Variants in RIMKLA observed in about 807,000 individuals in gnomAD.
The protein encoded by RIMKLA is ribosomal modification protein rimK like family member A, also known as N-acetylaspartylglutamate synthase A.
In RIMKLA, 14 loss-of-function variants were observed where a neutral mutation model predicts 32.7. That is an observed-to-expected ratio of 0.43 (90% CI 0.28 to 0.67). RIMKLA has a LOEUF of 0.67. Among genes scored for constraint, RIMKLA ranks in the 30% least tolerant of loss-of-function variants. The pLI, the probability that RIMKLA is intolerant of heterozygous loss-of-function variation, is 0.18. For synonymous variants in RIMKLA, 176 were observed against 204.1 expected, an observed-to-expected ratio of 0.86 and a Z score of 1.18; for missense variants, 410 against 519.0, an observed-to-expected ratio of 0.79 and a Z score of 2.04.
chr1:42,404,275 A>T (rs1391276630), intron 2 of RIMKLA, among the ~76,000 whole-genome samples: 1 of 151,894 alleles, frequency 6.6e-6, no homozygotes, highest in East Asian at 1.9e-4. Flanking sequence ...TGTTATAAGG[A>T]TTGTGAAGTC....
chr1:42,383,428 C>A lies in RIMKLA; in HGVS notation c.163+2331C>A, dbSNP rs1228146926. On this transcript the variant is annotated intron_variant, in intron 1 of 4. Transcript: ENST00000431473. Reference sequence around the variant, plus strand: ...ATGACCTTGTTGGCTTTGTTCAGTGCTATAATAGTGGCCAGAATAGTGCCT... The same window carrying A: ...ATGACCTTGTTGGCTTTGTTCAGTGATATAATAGTGGCCAGAATAGTGCCT... 2.0e-5 allele frequency among the ~76,000 whole-genome samples: 3 copies of A among 152,174 alleles called. 1 individual carries two copies. Among genetic ancestry groups the A allele is most frequent in the Non-Finnish European group, 4.4e-5 (3 of 68,034 alleles).
At position 42,381,066 on chromosome 1, in the gene RIMKLA, G is replaced by A. The variant is rs1475902082; in HGVS notation, c.132G>A (p.Gln44=). Residue 44 remains glutamine (Q), a synonymous_variant, in exon 1 of 5, where the codon CAG becomes CAA. Coordinates refer to ENST00000431473, the MANE Select transcript of RIMKLA (RefSeq NM_173642.4). ...GCTTCCGGGCGGTGCTTATGGACCA[G>A]ATCGCCGTCACCATCGTCGGCGGCC... The part of the protein sequence containing the change: ...DVRFRAVLMD[Q]IAVTIVGGHL... 7.7e-7 allele frequency: 1 copy of A among 1,294,780 alleles called. No homozygotes were observed. Among genetic ancestry groups the A allele is most frequent in the South Asian group, 2.2e-5 (1 of 44,678 alleles). The allele number at this position is 1,294,780 out of a possible 1,614,324, so 80.2% of individuals were successfully genotyped here.
chr1:42,406,925 C>CTT lies in RIMKLA; in HGVS notation c.481+2339_481+2340dup, dbSNP rs571576114. ...GAAGGGTTCTTGTATAATGTAGATT[C>CTT]TTTTTTTTTTTTGAGATATGCTCTC... On this transcript the variant is annotated intron_variant, in intron 3 of 4. Transcript: ENST00000431473. 9.7e-3 allele frequency among the ~76,000 whole-genome samples: 1,392 copies of CTT among 143,008 alleles called. 21 individuals carry two copies. Among genetic ancestry groups the CTT allele is most frequent in the African/African-American group, 0.033 (1,307 of 39,252 alleles). The allele number at this position is 143,008 out of a possible 152,430, so 93.8% of individuals were successfully genotyped here.
intron 2 of RIMKLA, among the ~76,000 whole-genome samples, chr1:42,403,871 G>A (rs1350075922): frequency 1.3e-5 from 2 of 152,174 alleles, no homozygotes; most frequent in Non-Finnish European, 2.9e-5. Context: ...GATTGTTGAC[G>A]TTCAGTTTCT....
chr1:42,397,706 T>C (rs189118384), intron 1 of RIMKLA, among the ~76,000 whole-genome samples: 3 of 151,738 alleles, frequency 2.0e-5, no homozygotes, highest in Admixed American at 1.3e-4. Flanking sequence ...TCCTGAGCGA[T>C]AGCAAGATCC....
chr1:42,414,382 G>A (rs985216025), intron 4 of RIMKLA, 102 bp from the exon 5 acceptor site: 30 of 1,206,552 alleles, frequency 2.5e-5, no homozygotes, highest in Admixed American at 1.8e-4. Flanking sequence ...ATTAATGATC[G>A]AGCCTCTCTT....
At chr1:42,381,558 A>G (rs1642889302) in intron 1 of RIMKLA, among the ~76,000 whole-genome samples, 1 of 152,178 alleles carries the variant, frequency 6.6e-6, no homozygotes, top group Non-Finnish European at 1.5e-5. Flanking sequence ...TGTGCACCAC[A>G]TAGAATATTA....
At chr1:42,386,909 AAATAAAT>A (rs1296397968) in intron 1 of RIMKLA, among the ~76,000 whole-genome samples, 3 of 148,338 alleles carry the variant, frequency 2.0e-5, no homozygotes, top group Non-Finnish European at 4.5e-5. Flanking sequence ...ATAAATAAAT[AAATAAAT>A]ATTAGCCAGG....
In RIMKLA at chr1:42,385,730, TC is replaced by T. The variant is rs1377506802; in HGVS notation, c.163+4634del. Among the ~76,000 whole-genome samples, 73 of 71,686 alleles carry T rather than the reference TC, an allele frequency of 1.0e-3. 3 individuals are homozygous for T. The highest frequency in any genetic ancestry group is 8.6e-3 in the Admixed American group (72 of 8,420). 47.0% of individuals were successfully genotyped at this position (71,686 alleles called of 152,430 possible). On this transcript the variant is annotated intron_variant, in intron 1 of 4. Transcript: ENST00000431473. ...TTTTCTTTCCTTCTCTTTCTTTCTT[TC>T]TTTCTTTCTTTCTTTCTTTCTTTCT...
chr1:42,393,072 G>A lies in RIMKLA; in HGVS notation c.164-6332G>A, dbSNP rs189689135. ...TGCATGTACTAAGCCATTTCCTAGAGTTCCTCAGCAGGATTCAGCTCTGGT... is the reference window on the plus strand; with the variant it reads ...TGCATGTACTAAGCCATTTCCTAGAATTCCTCAGCAGGATTCAGCTCTGGT... On this transcript the variant is annotated intron_variant, in intron 1 of 4. Coordinates refer to ENST00000431473, the MANE Select transcript of RIMKLA (RefSeq NM_173642.4). 3.7e-4 allele frequency among the ~76,000 whole-genome samples: 57 copies of A among 152,338 alleles called. 1 individual carries two copies. Among genetic ancestry groups the A allele is most frequent in the Admixed American group, 1.4e-3 (21 of 15,304 alleles).
intron 1 of RIMKLA, among the ~76,000 whole-genome samples, chr1:42,386,725 A>AAAAT (rs1553175640): frequency 2.0e-5 from 3 of 150,916 alleles, no homozygotes; most frequent in African/African-American, 7.3e-5. Flanking sequence ...AAAAAAAAAA[A>AAAAT]AATACAAAAA....
Position 42,404,290 on chromosome 1 carries a change from C to T in RIMKLA, c.395-221C>T, listed in dbSNP as rs72637932. Reference sequence around the variant, plus strand: ...TGTTATAAGGATTGTGAAGTCTTTACCACACAGAAGGCACCTGCTAAATGT... The same window carrying T: ...TGTTATAAGGATTGTGAAGTCTTTATCACACAGAAGGCACCTGCTAAATGT... On this transcript the variant is annotated intron_variant, in intron 2 of 4. Coordinates refer to ENST00000431473, the MANE Select transcript of RIMKLA (RefSeq NM_173642.4). 9.9e-4 allele frequency among the ~76,000 whole-genome samples: 150 copies of T among 152,268 alleles called. 3 individuals carry two copies. The East Asian group carries it at 0.026, about 27-fold the overall frequency.
intron 2 of RIMKLA, among the ~76,000 whole-genome samples, chr1:42,402,575 G>A (rs1358458583): frequency 4.1e-5 from 6 of 146,538 alleles, no homozygotes; most frequent in Non-Finnish European, 6.0e-5. Flanking sequence ...CACCAGAAAG[G>A]AATCCACCTG....
chr1:42,411,710 G>C (rs1256723240), intron 4 of RIMKLA, among the ~76,000 whole-genome samples: 1 of 150,860 alleles, frequency 6.6e-6, no homozygotes, highest in African/African-American at 2.4e-5. Context: ...GTCTCGCTCT[G>C]TCACCCAGGC....
At chr1:42,390,175 C>T (rs1642988686) in intron 1 of RIMKLA, among the ~76,000 whole-genome samples, 1 of 151,698 alleles carries the variant, frequency 6.6e-6, no homozygotes, top group Non-Finnish European at 1.5e-5. Context: ...GTAGCTGGGA[C>T]TACAGGCACA....
chr1:42,385,828 CT>C (rs1188340682), intron 1 of RIMKLA, among the ~76,000 whole-genome samples: 7,270 of 78,180 alleles, frequency 0.093, 1,508 homozygotes, highest in Middle Eastern at 0.18. Flanking sequence ...TCCTTCCTTC[CT>C]TTCTTTCTTT....
At chr1:42,396,001 G>C (rs1188749456) in intron 1 of RIMKLA, among the ~76,000 whole-genome samples, 3 of 152,132 alleles carry the variant, frequency 2.0e-5, no homozygotes, top group Non-Finnish European at 4.4e-5. Flanking sequence ...AGCACTTTGG[G>C]AGGCTGAGGC....
intron 1 of RIMKLA, among the ~76,000 whole-genome samples, chr1:42,393,990 G>A (rs1643020895): frequency 6.6e-6 from 1 of 152,138 alleles, no homozygotes; most frequent in Non-Finnish European, 1.5e-5. Flanking sequence ...TCATCATGTT[G>A]GCCAGCCTGG....
At chr1:42,396,033 G>A (rs1384223821) in intron 1 of RIMKLA, among the ~76,000 whole-genome samples, 2 of 151,906 alleles carry the variant, frequency 1.3e-5, no homozygotes, top group African/African-American at 2.4e-5. Flanking sequence ...CTGAGGTCAA[G>A]AGACCAGCCT....
Sources: gnomAD v4.1 joint callset for allele counts (sites outside exome capture counted in the v4.1 genomes callset) on GRCh38, gnomAD v4.1.1 for gene constraint, MANE v1.5 for transcripts, NCBI Gene and HGNC (gene_info 2026-07-23, HGNC 2026-07-21) for gene names.